The following MLLT1 variants were observed in gnomAD, a reference collection of about 807,000 sequenced individuals.
MLLT1 encodes protein ENL.
MLLT1 carries 11 observed loss-of-function variants against 55.1 expected under a neutral mutation model. The observed-to-expected ratio is 0.20, with a 90% CI of 0.13 to 0.33. The LOEUF is 0.33. Among genes scored for constraint, MLLT1 ranks in the 10% least tolerant of loss-of-function variants. The pLI, the probability that MLLT1 is intolerant of heterozygous loss-of-function variation, is 1.00. For missense variants in MLLT1, 536 were observed against 760.6 expected, an observed-to-expected ratio of 0.70 and a Z score of 3.47; for synonymous variants, 323 against 320.1, an observed-to-expected ratio of 1.01 and a Z score of -0.10.
intron 1 of MLLT1, among the ~76,000 whole-genome samples, chr19:6,275,419 C>T (rs146485480): frequency 1.6e-3 from 247 of 152,292 alleles, no homozygotes; most frequent in Non-Finnish European, 2.8e-3. Flanking sequence ...GAGGCTTGGG[C>T]GATCCCATGG....
rs566200962 is a variant in MLLT1, at chr19:6,230,885, C to G, written c.277-172G>C. Among the ~76,000 whole-genome samples the G allele has an allele frequency of 3.9e-5, 6 of 152,138 alleles. No individual in the cohort carries two copies. Among genetic ancestry groups the G allele is most frequent in the African/African-American group, 1.4e-4 (6 of 41,436 alleles). On this transcript the variant is annotated intron_variant, in intron 3 of 11. Coordinates refer to ENST00000252674, the MANE Select transcript of MLLT1 (RefSeq NM_005934.4). This position sits in a 1 kb window ranked among gnomAD's most constrained non-coding sequence, Gnocchi z 9.0. ...CTCCTGCCCTGCCCTTATTCAAAAT[C>G]GACCAGCTTACTATGTGCAGCTAAC...
Position 6,212,958 on chromosome 19 carries a change from G to C in MLLT1, c.*84C>G. The C allele has an allele frequency of 6.5e-7, 1 of 1,539,232 alleles. No individual in the cohort carries two copies. The highest frequency in any genetic ancestry group is 8.8e-7 in the Non-Finnish European group (1 of 1,131,146). On this transcript the variant is annotated 3_prime_UTR_variant, in exon 12 of 12. Transcript: ENST00000252674. Reference sequence around the variant, plus strand: ...TGTCGCTAAGGCAGTGCTGCGGGCAGGCGAGACGGGAGAGGAGGGCAGGCG... The same window carrying C: ...TGTCGCTAAGGCAGTGCTGCGGGCACGCGAGACGGGAGAGGAGGGCAGGCG...
rs76868357 is a variant in MLLT1 at position 6,211,962 on chromosome 19, C to T, written c.*1080G>A. On this transcript the variant is annotated 3_prime_UTR_variant, in exon 12 of 12. Coordinates refer to ENST00000252674, the MANE Select transcript of MLLT1 (RefSeq NM_005934.4). The surrounding 1 kb of genome is among the most constrained non-coding windows in gnomAD (Gnocchi z 4.6). ...GGGAGGGCCAGCCCGGCCAACCCAC[C>T]GGGCCTGCTGATGGCCGAGCCCACG... 3,837 of 1,065,198 alleles carry T rather than the reference C, an allele frequency of 3.6e-3. 13 individuals carry two copies. The highest frequency in any genetic ancestry group is 9.2e-3 in the Middle Eastern group (22 of 2,400). 66.0% of individuals were successfully genotyped at this position (1,065,198 alleles called of 1,614,324 possible). A position where few individuals can be genotyped will look rare whatever the true frequency, so the allele number is the denominator to read the frequency against.
intron 4 of MLLT1, among the ~76,000 whole-genome samples, chr19:6,228,976 G>C (rs866968586): frequency 6.6e-6 from 1 of 152,044 alleles, no homozygotes; most frequent in Non-Finnish European, 1.5e-5. Flanking sequence ...CCTCCTCCCC[G>C]CCCCTGGCTT....
rs570115459 is a variant in MLLT1 at position 6,214,294 on chromosome 19, C to T, written c.1308-256G>A. On this transcript the variant is annotated intron_variant, in intron 8 of 11. Transcript: ENST00000252674. The stretch of plus-strand genomic sequence containing the variant: ...AGCAGGCCAAGAGTGCTCCGGGATA[C>T]CCGGGACACAAAGCCCCCCAGCCAA... 1.9e-3 allele frequency among the ~76,000 whole-genome samples: 288 copies of T among 152,326 alleles called. 2 individuals are homozygous for T. Among genetic ancestry groups the T allele is most frequent in the African/African-American group, 6.4e-3 (266 of 41,578 alleles).
At chr19:6,238,442 C>T (rs1273585567) in intron 3 of MLLT1, among the ~76,000 whole-genome samples, 1 of 152,182 alleles carries the variant, frequency 6.6e-6, no homozygotes, top group African/African-American at 2.4e-5. Flanking sequence ...ACAACCCTTG[C>T]GGGGAGAGAG....
At chr19:6,269,353 G>A (rs955261372) in intron 2 of MLLT1, among the ~76,000 whole-genome samples, 4 of 152,378 alleles carry the variant, frequency 2.6e-5, no homozygotes, top group African/African-American at 4.8e-5. Context: ...GGAAGTGCTC[G>A]ATAGATGGCA....
intron 8 of MLLT1, 38 bp downstream of exon 8, chr19:6,216,366 GT>G: frequency 6.8e-7 from 1 of 1,476,506 alleles, no homozygotes. Flanking sequence ...GTCGCCCCGG[GT>G]GGCCGCCTCC....
At chr19:6,261,355 C>T (rs1023625327) in intron 3 of MLLT1, among the ~76,000 whole-genome samples, 5 of 152,364 alleles carry the variant, frequency 3.3e-5, no homozygotes, top group Admixed American at 1.3e-4. Flanking sequence ...AATGCCTCTC[C>T]TCAAGGCCCT....
intron 1 of MLLT1, among the ~76,000 whole-genome samples, chr19:6,276,478 A>T (rs1462149697): frequency 6.6e-6 from 1 of 152,180 alleles, no homozygotes. Flanking sequence ...CATCTGCAGG[A>T]CCAGCAAGCA....
intron 1 of MLLT1, among the ~76,000 whole-genome samples, chr19:6,275,746 C>T (rs1490243086): frequency 2.0e-5 from 3 of 152,218 alleles, no homozygotes; most frequent in African/African-American, 7.2e-5. Flanking sequence ...AGAAGGCACT[C>T]AATGAATTTC....
Position 6,213,578 on chromosome 19 carries a change from A to G in MLLT1, c.1479+148T>C, listed in dbSNP as rs2090803341. 13 of 985,092 alleles carry G rather than the reference A, an allele frequency of 1.3e-5. No individual in the cohort carries two copies. In the East Asian group the frequency reaches 3.3e-4, roughly 25 times the overall value. 61.0% of individuals were successfully genotyped at this position (985,092 alleles called of 1,614,324 possible). A position where few individuals can be genotyped will look rare whatever the true frequency, so the allele number is the denominator to read the frequency against. On this transcript the variant is annotated intron_variant, in intron 10 of 11. Transcript: ENST00000252674. The stretch of plus-strand genomic sequence containing the variant: ...GGCAGCCCCTCAGCTCCAAGGCCAC[A>G]CCGGGAGGGGAGGAAGGACTGTCCC...
chr19:6,249,758 C>T (rs1234144019), intron 3 of MLLT1, among the ~76,000 whole-genome samples: 2 of 152,092 alleles, frequency 1.3e-5, no homozygotes, highest in Non-Finnish European at 2.9e-5. Context: ...CAAAGTGGCT[C>T]GCGCCTGTAA....
chr19:6,222,006 G>A lies in MLLT1; in HGVS notation c.1110+115C>T. ...TTACAAGAAGCCAGTGGGAGGAGCA[G>A]CTGGTGAGACCTGAGGTCCTGGCTC... On this transcript the variant is annotated intron_variant, in intron 6 of 11. Transcript: ENST00000252674. This position sits in a 1 kb window ranked among gnomAD's most constrained non-coding sequence, Gnocchi z 4.1. The A allele has an allele frequency of 4.9e-6, 4 of 816,472 alleles. No individual in the cohort carries two copies. Among genetic ancestry groups the A allele is most frequent in the Non-Finnish European group, 6.8e-6 (4 of 587,256 alleles). 50.6% of individuals were successfully genotyped at this position (816,472 alleles called of 1,614,324 possible). A position where few individuals can be genotyped will look rare whatever the true frequency, so the allele number is the denominator to read the frequency against.
intron 3 of MLLT1, among the ~76,000 whole-genome samples, chr19:6,261,707 C>T (rs1168438082): frequency 6.6e-6 from 1 of 152,012 alleles, no homozygotes; most frequent in African/African-American, 2.4e-5. Flanking sequence ...CCTGGACTCC[C>T]ACCACCCAGA....
At position 6,216,372 on chromosome 19, in the gene MLLT1, G is replaced by A. The variant is rs202147476; in HGVS notation, c.1307+33C>T. 4,958 of 1,528,954 alleles carry A rather than the reference G, an allele frequency of 3.2e-3. 15 individuals are homozygous for A. The highest frequency in any genetic ancestry group is 4.2e-3 in the Non-Finnish European group (4,698 of 1,121,858). 94.7% of individuals were successfully genotyped at this position (1,528,954 alleles called of 1,614,324 possible). On this transcript the variant is annotated intron_variant, in intron 8 of 11. Transcript: ENST00000252674. ...CCAGCCGGAGTCGCCCCGGGTGGCC[G>A]CCTCCGCCCCCTGGCTCCCACCGGG...
chr19:6,224,931 G>A (rs1023600353), intron 5 of MLLT1, among the ~76,000 whole-genome samples: 6 of 152,104 alleles, frequency 3.9e-5, no homozygotes, highest in African/African-American at 7.2e-5. Flanking sequence ...GGGTTTCACC[G>A]TGTTAGCCAG....
chr19:6,240,117 C>T lies in MLLT1; in HGVS notation c.277-9404G>A, dbSNP rs1266300022. Among the ~76,000 whole-genome samples the T allele has an allele frequency of 6.6e-6, 1 of 152,134 alleles. No homozygotes were observed. The highest frequency in any genetic ancestry group is 6.5e-5 in the Admixed American group (1 of 15,278). ...ATCAAACAGGAAAGAGGCAGAAAGG[C>T]CACCGGTGCCTCTGGCTGGGAGGAC... On this transcript the variant is annotated intron_variant, in intron 3 of 11. Transcript: ENST00000252674. This position sits in a 1 kb window ranked among gnomAD's most constrained non-coding sequence, Gnocchi z 4.7.
At chr19:6,261,641 CAA>C (rs556152203) in intron 3 of MLLT1, among the ~76,000 whole-genome samples, 63 of 70,622 alleles carry the variant, frequency 8.9e-4, no homozygotes, top group Admixed American at 9.6e-4. Flanking sequence ...ATCATTAGGC[CAA>C]AAAAAAAAAA....
Sources: gnomAD v4.1 joint callset for allele counts (sites outside exome capture counted in the v4.1 genomes callset) on GRCh38, gnomAD v4.1.1 for gene constraint, Gnocchi (gnomAD v3.1) non-coding constraint, MANE v1.5 for transcripts, NCBI Gene and HGNC (gene_info 2026-07-23, HGNC 2026-07-21) for gene names.